The following FRMD4A variants were observed in gnomAD, a reference collection of about 807,000 sequenced individuals.
FRMD4A encodes the protein FERM domain containing 4A, also known as FERM domain-containing protein 4A.
Under a neutral mutation model 129.1 loss-of-function variants are expected in FRMD4A, and 29 were observed. That is an observed-to-expected ratio of 0.22 (90% CI 0.17 to 0.31). The LOEUF (loss-of-function observed/expected upper bound fraction) is 0.31. Ranked by LOEUF, FRMD4A falls within the 10% of genes least tolerant of loss-of-function variation. The pLI, the probability that FRMD4A is intolerant of heterozygous loss-of-function variation, is 1.00. For missense variants in FRMD4A, 1,272 were observed against 1,375.8 expected (o/e 0.92, Z 1.19); for synonymous variants, 634 against 571.6 (o/e 1.11, Z -1.56).
intron 2 of FRMD4A, among the ~76,000 whole-genome samples, chr10:14,191,099 TAA>T (rs1842303844): frequency 6.6e-6 from 1 of 152,200 alleles, no homozygotes; most frequent in South Asian, 2.1e-4. Flanking sequence ...TCTTATATGT[TAA>T]CCTGCACACT....
rs573093475 is a variant in FRMD4A at position 13,848,376 on chromosome 10, A to G, written c.111+10471T>C. Among the ~76,000 whole-genome samples, 11 of 151,880 alleles carry G rather than the reference A, an allele frequency of 7.2e-5. No homozygotes were observed. The East Asian group carries it at 1.6e-3, about 21-fold the overall frequency. ...CTTAGCAGGACAAAGTCTGCCAAAT[A>G]TTGGCAATTTCAAATGGTTTCAATG... On this transcript the variant is annotated intron_variant, in intron 3 of 24. Coordinates refer to ENST00000357447, the MANE Select transcript of FRMD4A (RefSeq NM_018027.5).
chr10:14,022,520 T>C (rs10906573), intron 2 of FRMD4A, among the ~76,000 whole-genome samples: 32,885 of 152,122 alleles, frequency 0.22, 4,046 homozygotes, highest in East Asian at 0.54. Flanking sequence ...TTGCATAATG[T>C]TAAATGTGAT....
At chr10:13,948,927 G>T (rs1050259126) in intron 2 of FRMD4A, among the ~76,000 whole-genome samples, 1 of 150,394 alleles carries the variant, frequency 6.6e-6, no homozygotes, top group Non-Finnish European at 1.5e-5. Context: ...TGGGATTACA[G>T]GTGTGAGCCA....
At chr10:13,829,962 G>A (rs1005912826) in intron 3 of FRMD4A, among the ~76,000 whole-genome samples, 2 of 152,194 alleles carry the variant, frequency 1.3e-5, no homozygotes, top group African/African-American at 4.8e-5. Context: ...GAAGACCTCT[G>A]ACCCCTTCCT....
chr10:13,863,066 A>G (rs982106030), intron 2 of FRMD4A, among the ~76,000 whole-genome samples: 2 of 151,902 alleles, frequency 1.3e-5, no homozygotes, highest in Non-Finnish European at 2.9e-5. Context: ...CAACCATTCC[A>G]ATAATCAACT....
chr10:13,927,835 G>C (rs575310932), intron 2 of FRMD4A, among the ~76,000 whole-genome samples: 2 of 152,268 alleles, frequency 1.3e-5, no homozygotes, highest in African/African-American at 4.8e-5. Flanking sequence ...TTCATTTGGA[G>C]CAAGTAAGTT....
At position 13,705,574 on chromosome 10, in the gene FRMD4A, CCT is replaced by C. The variant is rs3031965; in HGVS notation, c.836+1461_836+1462del. On this transcript the variant is annotated intron_variant, in intron 13 of 24. Coordinates refer to ENST00000357447, the MANE Select transcript of FRMD4A (RefSeq NM_018027.5). ...TCACTCTTTCTGTACTTAAATTTCCCCTCTCTTACATGCCTAAGAACCTGGTC... is the reference window on the plus strand; with the variant it reads ...TCACTCTTTCTGTACTTAAATTTCCCCTCTTACATGCCTAAGAACCTGGTC... 2.2e-4 allele frequency among the ~76,000 whole-genome samples: 34 copies of C among 152,180 alleles called. 2 individuals are homozygous for C. The East Asian group carries it at 6.4e-3, about 29-fold the overall frequency.
At chr10:13,765,578 C>T (rs1260963160) in intron 6 of FRMD4A, among the ~76,000 whole-genome samples, 1 of 152,158 alleles carries the variant, frequency 6.6e-6, no homozygotes, top group Non-Finnish European at 1.5e-5. Context: ...TGCCCTGGAA[C>T]CACCTTAGAA....
At chr10:13,907,945 C>A (rs1417692480) in intron 2 of FRMD4A, among the ~76,000 whole-genome samples, 3 of 151,094 alleles carry the variant, frequency 2.0e-5, no homozygotes, top group Non-Finnish European at 4.4e-5. Flanking sequence ...GCAGGCGGAT[C>A]ACCTGAGGTC....
At chr10:14,153,371 A>G (rs1270631532) in intron 2 of FRMD4A, among the ~76,000 whole-genome samples, 1 of 152,210 alleles carries the variant, frequency 6.6e-6, no homozygotes, top group African/African-American at 2.4e-5. Context: ...GGTCTACACC[A>G]AATGATGCGT....
At chr10:14,275,279 C>T (rs1293156334) in intron 2 of FRMD4A, among the ~76,000 whole-genome samples, 1 of 152,002 alleles carries the variant, frequency 6.6e-6, no homozygotes, top group East Asian at 1.9e-4. Context: ...GCCAGAATCC[C>T]AGCTGCTCCC....
intron 1 of FRMD4A, 81 bp from the exon 2 acceptor site, chr10:14,330,264 G>A (rs1843465309): frequency 1.5e-6 from 1 of 676,578 alleles, no homozygotes; most frequent in Admixed American, 2.1e-5. Flanking sequence ...CACAGGGTGG[G>A]GAGGAGGTCA....
At chr10:13,660,575 G>A (rs571226818) in intron 19 of FRMD4A, 22 bp from the exon 20 acceptor site, 2 of 1,449,322 alleles carry the variant, frequency 1.4e-6, no homozygotes, top group South Asian at 1.2e-5. Context: ...CAGGAAGAGA[G>A]GAACTGAGCC....
intron 3 of FRMD4A, among the ~76,000 whole-genome samples, chr10:13,850,497 C>T (rs1007742246): frequency 1.3e-5 from 2 of 152,194 alleles, no homozygotes; most frequent in African/African-American, 2.4e-5. Flanking sequence ...GCAGGACGCA[C>T]AAGTCCTTCA....
chr10:14,207,475 C>T (rs181766428), intron 2 of FRMD4A, among the ~76,000 whole-genome samples: 1 of 152,076 alleles, frequency 6.6e-6, no homozygotes, highest in Non-Finnish European at 1.5e-5. Flanking sequence ...GGCTGGGGAC[C>T]CCCTGGTCTA....
At position 14,042,924 on chromosome 10, in the gene FRMD4A, CAAAAAA is replaced by C. The variant is rs57492155; in HGVS notation, c.46-184018_46-184013del. 2.1e-4 allele frequency among the ~76,000 whole-genome samples: 13 copies of C among 62,844 alleles called. 1 individual carries two copies. The East Asian group carries it at 5.1e-3, about 25-fold the overall frequency. 41.2% of individuals were successfully genotyped at this position (62,844 alleles called of 152,430 possible). ...TGGGTGATAGAGCAAGACTCCATCT[CAAAAAA>C]AAAAAAAAAAAAAAAAAAAGAAATT... On this transcript the variant is annotated intron_variant, in intron 2 of 24. Transcript: ENST00000357447.
chr10:13,860,638 CT>C (rs967377447), intron 2 of FRMD4A, among the ~76,000 whole-genome samples: 1 of 152,172 alleles, frequency 6.6e-6, no homozygotes, highest in African/African-American at 2.4e-5. Context: ...TCAGTAGATC[CT>C]GGCCCTGTCT....
chr10:13,904,849 C>A (rs2094862850), intron 2 of FRMD4A, among the ~76,000 whole-genome samples: 1 of 151,884 alleles, frequency 6.6e-6, no homozygotes, highest in South Asian at 2.1e-4. Flanking sequence ...CAAAAATTAG[C>A]CAGTGTGGTG....
chr10:14,137,460 A>G (rs1839597595), intron 2 of FRMD4A, among the ~76,000 whole-genome samples: 2 of 152,168 alleles, frequency 1.3e-5, no homozygotes, highest in Admixed American at 1.3e-4. Flanking sequence ...TTCCTCTCCC[A>G]TTGAGATTCC....
Sources: allele counts gnomAD v4.1 joint callset (sites outside exome capture counted in the v4.1 genomes callset), GRCh38; gene constraint gnomAD v4.1.1; transcripts MANE v1.5; gene names NCBI Gene and HGNC (gene_info 2026-07-23, HGNC 2026-07-21).